The following GLRA3 variants were observed in gnomAD, a reference collection of about 807,000 sequenced individuals.
GLRA3 encodes the protein glycine receptor subunit alpha-3.
A neutral mutation model predicts 60.4 loss-of-function variants in GLRA3; 44 were observed. The ratio of observed to expected loss-of-function variants is 0.73; its 90% CI spans 0.57 to 0.94. The LOEUF is 0.94. Ranked by LOEUF, GLRA3 falls within the 40% of genes least tolerant of loss-of-function variation. The pLI, the probability that GLRA3 is intolerant of heterozygous loss-of-function variation, is 0.00. For missense variants in GLRA3, 508 were observed against 564.6 expected, an observed-to-expected ratio of 0.90 and a Z score of 1.02; for synonymous variants, 223 against 192.9, an observed-to-expected ratio of 1.16 and a Z score of -1.29.
chr4:174,786,061 C>T (rs1739119516), intron 2 of GLRA3, among the ~76,000 whole-genome samples: 1 of 149,804 alleles, frequency 6.7e-6, no homozygotes, highest in Admixed American at 6.8e-5. Context: ...GAGACCCATT[C>T]TTCTTTTAAA....
At chr4:174,771,994 T>G (rs1448810516) in intron 2 of GLRA3, among the ~76,000 whole-genome samples, 1 of 152,164 alleles carries the variant, frequency 6.6e-6, no homozygotes, top group Admixed American at 6.6e-5. Flanking sequence ...TGGCACATCC[T>G]AATGAGTCCA....
chr4:174,812,585 A>G (rs1740314999), intron 1 of GLRA3, among the ~76,000 whole-genome samples: 1 of 152,290 alleles, frequency 6.6e-6, no homozygotes, highest in African/African-American at 2.4e-5. Flanking sequence ...GTCTATAATT[A>G]AAAGTGGTAA....
chr4:174,701,254 T>C (rs1735307341), intron 5 of GLRA3, among the ~76,000 whole-genome samples: 1 of 152,138 alleles, frequency 6.6e-6, no homozygotes, highest in South Asian at 2.1e-4. Flanking sequence ...TTAACAATTA[T>C]TATGCTAAAT....
chr4:174,701,726 T>C (rs1458754595), intron 5 of GLRA3, among the ~76,000 whole-genome samples: 1 of 152,160 alleles, frequency 6.6e-6, no homozygotes, highest in Non-Finnish European at 1.5e-5. Context: ...TTGGAAGAAG[T>C]TGATTTCAAC....
At chr4:174,779,997 AAGACACAT>A (rs1179967635) in intron 2 of GLRA3, among the ~76,000 whole-genome samples, 1 of 143,508 alleles carries the variant, frequency 7.0e-6, no homozygotes, top group Non-Finnish European at 1.5e-5. Flanking sequence ...GAGCAACTCC[AAGACACAT>A]AATTGTCAGA....
At chr4:174,677,344 C>G (rs181593623) in intron 6 of GLRA3, 52 bp from the exon 7 acceptor site, 10 of 1,014,852 alleles carry the variant, frequency 9.9e-6, no homozygotes, top group Non-Finnish European at 1.5e-5. Flanking sequence ...GTCTTTGTTA[C>G]GGCATCAAAT....
intron 4 of GLRA3, among the ~76,000 whole-genome samples, chr4:174,721,439 T>C (rs1736124407): frequency 6.6e-6 from 1 of 151,298 alleles, no homozygotes; most frequent in Admixed American, 6.6e-5. Flanking sequence ...TAACTTTTTG[T>C]TATATATAAC....
At chr4:174,770,256 A>C (rs1412161044) in intron 2 of GLRA3, among the ~76,000 whole-genome samples, 20 of 152,168 alleles carry the variant, frequency 1.3e-4, no homozygotes, top group Admixed American at 1.3e-3. Context: ...CAATCTTTAC[A>C]AACCATAGAT....
intron 5 of GLRA3, among the ~76,000 whole-genome samples, chr4:174,705,136 G>A (rs1441866212): frequency 7.0e-6 from 1 of 143,772 alleles, no homozygotes; most frequent in African/African-American, 2.5e-5. Context: ...GTTTAAATTC[G>A]GTTGCAATTG....
rs1392257478 is a variant in GLRA3 at position 174,828,849 on chromosome 4, A to G, written c.-38T>C. The G allele has an allele frequency of 7.5e-7, 1 of 1,333,836 alleles. No homozygotes were observed. Among genetic ancestry groups the G allele is most frequent in the South Asian group, 1.2e-5 (1 of 85,348 alleles). 82.6% of individuals were successfully genotyped at this position (1,333,836 alleles called of 1,614,324 possible). A position where few individuals can be genotyped will look rare whatever the true frequency, so the allele number is the denominator to read the frequency against. On this transcript the variant is annotated 5_prime_UTR_variant, in exon 1 of 10. Transcript: ENST00000274093. ...TATTCACGATCCTGAAAATAGTCTT[A>G]TCCAAGGCATGGGGAACCAGAAAGA...
intron 3 of GLRA3, among the ~76,000 whole-genome samples, chr4:174,761,486 A>C (rs1737943419): frequency 6.6e-6 from 1 of 152,166 alleles, no homozygotes; most frequent in Non-Finnish European, 1.5e-5. Context: ...GACACCTGAA[A>C]AACTATTAAC....
chr4:174,655,192 T>C (rs1308323823), intron 9 of GLRA3, among the ~76,000 whole-genome samples: 1 of 152,186 alleles, frequency 6.6e-6, no homozygotes, highest in Admixed American at 6.6e-5. Flanking sequence ...AGACTCATTT[T>C]GATTCTATTT....
chr4:174,646,133 A>G (rs1057461865), intron 9 of GLRA3, among the ~76,000 whole-genome samples: 2 of 152,238 alleles, frequency 1.3e-5, no homozygotes, highest in Non-Finnish European at 2.9e-5. Flanking sequence ...ATGTTAATTG[A>G]AGCAGTTGAG....
rs761726876 is a variant in GLRA3, at chr4:174,828,794, G to A, written c.18C>T (p.His6=). The change falls in exon 1 of 10, where the codon CAC becomes CAT. Residue 6 remains histidine (H), a synonymous_variant. Coordinates refer to ENST00000274093, the MANE Select transcript of GLRA3 (RefSeq NM_006529.4). MAHVR[H]FRTLVSGFYF... ...AAAATCCCGAAACTAATGTCCGAAA[G>A]TGTCTCACGTGGGCCATGATACGGA... 2 of 1,610,226 alleles carry A rather than the reference G, an allele frequency of 1.2e-6. No individual in the cohort carries two copies. Among genetic ancestry groups the A allele is most frequent in the Non-Finnish European group, 1.7e-6 (2 of 1,176,570 alleles).
intron 5 of GLRA3, among the ~76,000 whole-genome samples, chr4:174,688,182 A>T (rs959514654): frequency 2.0e-5 from 3 of 151,362 alleles, no homozygotes; most frequent in Non-Finnish European, 4.4e-5. Flanking sequence ...CTATGCAACA[A>T]TATTTGCTTG....
intron 1 of GLRA3, among the ~76,000 whole-genome samples, chr4:174,789,903 A>C (rs1466223569): frequency 6.6e-6 from 1 of 152,286 alleles, no homozygotes; most frequent in Admixed American, 6.5e-5. Flanking sequence ...ACATTGCCAA[A>C]TCAAACCATT....
intron 3 of GLRA3, among the ~76,000 whole-genome samples, chr4:174,732,801 ATGTATGTATGTG>A (rs984203409): frequency 1.3e-5 from 2 of 151,634 alleles, no homozygotes; most frequent in African/African-American, 4.8e-5. Context: ...ATTTATGTGT[ATGTATGTATGTG>A]TGTATGTATG....
intron 7 of GLRA3, among the ~76,000 whole-genome samples, chr4:174,666,755 TATATTATA>T (rs375628050): frequency 0.088 from 10,939 of 124,260 alleles, 1,406 homozygotes; most frequent in African/African-American, 0.28. Context: ...TATATATATA[TATATTATA>T]TATATATATA....
chr4:174,722,235 C>A (rs1449419733), intron 4 of GLRA3, among the ~76,000 whole-genome samples: 1 of 152,050 alleles, frequency 6.6e-6, no homozygotes, highest in Non-Finnish European at 1.5e-5. Flanking sequence ...ATGCCTAAAG[C>A]TTTTGAAAGA....
Sources: gnomAD v4.1 joint callset for allele counts (sites outside exome capture counted in the v4.1 genomes callset) on GRCh38, gnomAD v4.1.1 for gene constraint, MANE v1.5 for transcripts, NCBI Gene and HGNC (gene_info 2026-07-23, HGNC 2026-07-21) for gene names.